AP3B2: variants seen among roughly 807,000 people sequenced by gnomAD.
AP3B2 encodes adaptor related protein complex 3 subunit beta 2, also known as AP-3 complex subunit beta-2.
AP3B2 carries 50 observed loss-of-function variants against 126.9 expected under a neutral mutation model. That is an observed-to-expected ratio of 0.39 (90% CI 0.31 to 0.50). The LOEUF (loss-of-function observed/expected upper bound fraction) is 0.50, where lower values mean the gene tolerates loss of function less well. Among genes scored for constraint, AP3B2 ranks in the 20% least tolerant of loss-of-function variants. The pLI, the probability that AP3B2 is intolerant of heterozygous loss-of-function variation, is 0.79. For synonymous variants in AP3B2, 541 were observed against 565.0 expected, an observed-to-expected ratio of 0.96 and a Z score of 0.60; for missense variants, 1,177 against 1,426.4, an observed-to-expected ratio of 0.83 and a Z score of 2.82.
intron 1 of AP3B2, among the ~76,000 whole-genome samples, chr15:82,698,659 T>C (rs2048668000): frequency 6.6e-6 from 1 of 152,130 alleles, no homozygotes; most frequent in African/African-American, 2.4e-5. Flanking sequence ...TCCTCTGATC[T>C]TCTGAGGAGT....
intron 4 of AP3B2, among the ~76,000 whole-genome samples, chr15:82,682,047 C>CTTTTT (rs769028602): frequency 0.024 from 1,939 of 79,908 alleles, 189 homozygotes; most frequent in African/African-American, 0.068. Context: ...TAGGCCCTTC[C>CTTTTT]TTTTTTTTTT....
chr15:82,680,512 C>A lies in AP3B2; in HGVS notation c.1015G>T (p.Val339Phe), dbSNP rs1367868541. ...AGGCGCACCAGCGCCTTGGCGATGACGCCCACTTCCGCCTTGGGCGCCAGG... is the reference window on the plus strand; with the variant it reads ...AGGCGCACCAGCGCCTTGGCGATGAAGCCCACTTCCGCCTTGGGCGCCAGG... ...FHLAPKAEVG[V>F]IAKALVRLLR... The change falls in exon 8 of 27, where the codon GTC (valine) becomes TTC (phenylalanine). Residue 339 changes from valine to phenylalanine, a missense_variant. Physicochemically the swap from Val to Phe is conservative, Grantham distance 50 (BLOSUM62 -1). Coordinates refer to ENST00000535359, the MANE Select transcript of AP3B2 (RefSeq NM_001278512.2). This position sits in a 1 kb window ranked among gnomAD's most constrained non-coding sequence, Gnocchi z 6.1. The A allele has an allele frequency of 6.5e-7, 1 of 1,532,426 alleles. No homozygotes were observed. Among genetic ancestry groups the A allele is most frequent in the Non-Finnish European group, 8.7e-7 (1 of 1,144,852 alleles). 94.9% of individuals were successfully genotyped at this position (1,532,426 alleles called of 1,614,324 possible). A position where few individuals can be genotyped will look rare whatever the true frequency, so the allele number is the denominator to read the frequency against.
intron 15 of AP3B2, among the ~76,000 whole-genome samples, chr15:82,666,183 C>T (rs919661837): frequency 1.3e-5 from 2 of 152,148 alleles, no homozygotes; most frequent in South Asian, 2.1e-4. Flanking sequence ...TCCTGGGGCC[C>T]GGAGAAGCAG....
chr15:82,709,554 G>A (rs2048850391), intron 1 of AP3B2, 40 bp downstream of exon 1: 2 of 1,443,842 alleles, frequency 1.4e-6, no homozygotes, highest in South Asian at 1.3e-5. Flanking sequence ...CCGGTCCCCG[G>A]CCCCAACCCT....
chr15:82,691,914 C>A, intron 1 of AP3B2: 1 of 1,296,190 alleles, frequency 7.7e-7, no homozygotes, highest in Non-Finnish European at 1.1e-6. Flanking sequence ...AGGGCATATT[C>A]CATGTCTTCT....
At chr15:82,693,009 T>C (rs552485210) in intron 1 of AP3B2, among the ~76,000 whole-genome samples, 20 of 151,788 alleles carry the variant, frequency 1.3e-4, no homozygotes, top group African/African-American at 4.8e-4. Flanking sequence ...AGAATATTTT[T>C]GGGAAAAGAA....
rs1489404950 is a variant in AP3B2, at chr15:82,665,407, A to G, written c.1971+50T>C. The stretch of plus-strand genomic sequence containing the variant: ...CACACACACACACACACACACACAC[A>G]CACACACACACACACACACACACAC... On this transcript the variant is annotated intron_variant, in intron 16 of 26. Transcript: ENST00000535359. The surrounding 1 kb of genome is among the most constrained non-coding windows in gnomAD (Gnocchi z 4.4). The G allele has an allele frequency of 1.3e-6, 1 of 795,452 alleles. No individual in the cohort carries two copies. Among genetic ancestry groups the G allele is most frequent in the Admixed American group, 2.5e-5 (1 of 40,596 alleles). The allele number at this position is 795,452 out of a possible 1,614,324, so 49.3% of individuals were successfully genotyped here.
At position 82,679,723 on chromosome 15, in the gene AP3B2, A is replaced by G. The variant is rs1264465590; in HGVS notation, c.1182+6T>C. 4 of 1,612,480 alleles carry G rather than the reference A, an allele frequency of 2.5e-6. No homozygotes were observed. The East Asian group carries it at 8.9e-5, about 36-fold the overall frequency. Reference sequence around the variant, plus strand: ...GGAAGCACATGCACTTCTGTCCCTCACTCACCTTCAGGATCTTAATCTGGG... The same window carrying G: ...GGAAGCACATGCACTTCTGTCCCTCGCTCACCTTCAGGATCTTAATCTGGG... On this transcript the variant is annotated splice_donor_region_variant and intron_variant, in intron 10 of 26. Coordinates refer to ENST00000535359, the MANE Select transcript of AP3B2 (RefSeq NM_001278512.2).
In AP3B2 at chr15:82,665,109, G is replaced by C; in HGVS notation, c.2028+138C>G. 1 of 1,074,874 alleles carries C rather than the reference G, an allele frequency of 9.3e-7. No homozygotes were observed. Among genetic ancestry groups the C allele is most frequent in the South Asian group, 1.5e-5 (1 of 68,090 alleles). 66.6% of individuals were successfully genotyped at this position (1,074,874 alleles called of 1,614,324 possible). On this transcript the variant is annotated intron_variant, in intron 17 of 26. Coordinates refer to ENST00000535359, the MANE Select transcript of AP3B2 (RefSeq NM_001278512.2). The surrounding 1 kb of genome is among the most constrained non-coding windows in gnomAD (Gnocchi z 4.4). ...AAGGGGCACTGTCCATGGAGGGGAGGGAATGCTGCTCACAGAGGAGCACTG... is the reference window on the plus strand; with the variant it reads ...AAGGGGCACTGTCCATGGAGGGGAGCGAATGCTGCTCACAGAGGAGCACTG...
rs373055596 is a variant in AP3B2 at position 82,677,684 on chromosome 15, C to G, written c.1365G>C (p.Leu455=). 176 of 1,563,134 alleles carry G rather than the reference C, an allele frequency of 1.1e-4. No individual in the cohort carries two copies. The highest frequency in any genetic ancestry group is 1.5e-4 in the Non-Finnish European group (176 of 1,153,860). The change falls in exon 12 of 27, where the codon CTG becomes CTC. Residue 455 remains leucine (L), a synonymous_variant. Coordinates refer to ENST00000535359, the MANE Select transcript of AP3B2 (RefSeq NM_001278512.2). The part of the protein sequence containing the change: ...DTCLNGLVQL[L]SNRDELVVAE... The stretch of plus-strand genomic sequence containing the variant: ...GGAAACACTGACCATCACGGTTGGA[C>G]AGCAGCTGCACCAGGCCATTGAGGC...
In AP3B2 at chr15:82,680,896, C is replaced by T; in HGVS notation, c.712G>A (p.Val238Ile). The part of the protein sequence containing the change: ...LIDVEEWGQV[V>I]IISMLTRYAR... Reference sequence around the variant, plus strand: ...TAGCGGGTGAGCATGCTGATGATGACCACCTGGCCCCACTCCTCCACGTCG... The same window carrying T: ...TAGCGGGTGAGCATGCTGATGATGATCACCTGGCCCCACTCCTCCACGTCG... Residue 238 changes from valine (V) to isoleucine (I), a missense_variant, in exon 7 of 27, where the codon GTC becomes ATC. Transcript: ENST00000535359. This position sits in a 1 kb window ranked among gnomAD's most constrained non-coding sequence, Gnocchi z 6.1. 1.9e-6 allele frequency: 3 copies of T among 1,613,954 alleles called. No homozygotes were observed. The highest frequency in any genetic ancestry group is 2.5e-6 in the Non-Finnish European group (3 of 1,179,872).
chr15:82,683,047 G>GTTTTTTTTTTTTT lies in AP3B2; in HGVS notation c.361-1480_361-1468dup, dbSNP rs61213011. Among the ~76,000 whole-genome samples, 99 of 77,728 alleles carry GTTTTTTTTTTTTT rather than the reference G, an allele frequency of 1.3e-3. 17 individuals carry two copies. Among genetic ancestry groups the GTTTTTTTTTTTTT allele is most frequent in the Non-Finnish European group, 1.9e-3 (77 of 39,604 alleles). The allele number at this position is 77,728 out of a possible 152,430, so 51.0% of individuals were successfully genotyped here. On this transcript the variant is annotated intron_variant, in intron 4 of 26. Coordinates refer to ENST00000535359, the MANE Select transcript of AP3B2 (RefSeq NM_001278512.2). ...AATGTTCACAGCATCTGCACCAGGAGTTTTTTTTTTTTTTTTTTTTTTTTT... is the reference window on the plus strand; with the variant it reads ...AATGTTCACAGCATCTGCACCAGGAGTTTTTTTTTTTTTTTTTTTTTTTTTTTTTTTTTTTTTT...
At chr15:82,692,913 T>C (rs1206812349) in intron 1 of AP3B2, 2 of 151,996 alleles carry the variant, frequency 1.3e-5, no homozygotes, top group Admixed American at 1.3e-4. Context: ...TTTCAAAAAT[T>C]TGAAATTTCA....
At position 82,681,922 on chromosome 15, in the gene AP3B2, C is replaced by T. The variant is rs915260705; in HGVS notation, c.361-342G>A. 1.3e-5 allele frequency among the ~76,000 whole-genome samples: 2 copies of T among 152,064 alleles called. No individual in the cohort carries two copies. Among genetic ancestry groups the T allele is most frequent in the African/African-American group, 2.4e-5 (1 of 41,402 alleles). On this transcript the variant is annotated intron_variant, in intron 4 of 26. Coordinates refer to ENST00000535359, the MANE Select transcript of AP3B2 (RefSeq NM_001278512.2). This position sits in a 1 kb window ranked among gnomAD's most constrained non-coding sequence, Gnocchi z 4.0. ...TGCCTGTTTTAATGCCTGAGGTGACCGCCCAGCAGATGCAAGCTGGTCTCC... is the reference window on the plus strand; with the variant it reads ...TGCCTGTTTTAATGCCTGAGGTGACTGCCCAGCAGATGCAAGCTGGTCTCC...
At position 82,681,732 on chromosome 15, in the gene AP3B2, A is replaced by G. The variant is rs928166323; in HGVS notation, c.361-152T>C. 43 of 819,476 alleles carry G rather than the reference A, an allele frequency of 5.2e-5. No individual in the cohort carries two copies. The highest frequency in any genetic ancestry group is 7.4e-5 in the Non-Finnish European group (40 of 536,950). The allele number at this position is 819,476 out of a possible 1,614,324, so 50.8% of individuals were successfully genotyped here. A position where few individuals can be genotyped will look rare whatever the true frequency, so the allele number is the denominator to read the frequency against. ...CCTGGATGGTGTGCCAGTGATGGGT[A>G]TCTGGGGGACACTTAATTTTGGCTC... On this transcript the variant is annotated intron_variant, in intron 4 of 26. Coordinates refer to ENST00000535359, the MANE Select transcript of AP3B2 (RefSeq NM_001278512.2). This position sits in a 1 kb window ranked among gnomAD's most constrained non-coding sequence, Gnocchi z 4.0.
chr15:82,674,324 G>A (rs2048208066), intron 14 of AP3B2, among the ~76,000 whole-genome samples: 1 of 152,194 alleles, frequency 6.6e-6, no homozygotes, highest in African/African-American at 2.4e-5. Flanking sequence ...ACCACTCCCA[G>A]AAGAGGCTGG....
At chr15:82,666,349 C>T (rs1158214455) in intron 15 of AP3B2, among the ~76,000 whole-genome samples, 1 of 152,262 alleles carries the variant, frequency 6.6e-6, no homozygotes. Flanking sequence ...CAGGCAACTG[C>T]TTTCTCAGGA....
chr15:82,683,550 C>G (rs1309564182), intron 4 of AP3B2, among the ~76,000 whole-genome samples: 1 of 152,184 alleles, frequency 6.6e-6, no homozygotes, highest in African/African-American at 2.4e-5. Flanking sequence ...CCCTCAAAGT[C>G]ATCCATGGAG....
At chr15:82,697,429 C>G (rs2048646600) in intron 1 of AP3B2, among the ~76,000 whole-genome samples, 2 of 152,120 alleles carry the variant, frequency 1.3e-5, no homozygotes. Context: ...GGGGATAGCA[C>G]TGTTAGGAGA....
Sources: allele counts gnomAD v4.1 joint callset (sites outside exome capture counted in the v4.1 genomes callset), GRCh38; gene constraint gnomAD v4.1.1; non-coding constraint Gnocchi (gnomAD v3.1); transcripts MANE v1.5; gene names NCBI Gene and HGNC (gene_info 2026-07-23, HGNC 2026-07-21).